LIFR: variants seen among roughly 807,000 people sequenced by gnomAD.
LIFR encodes leukemia inhibitory factor receptor.
In LIFR, 84 loss-of-function variants were observed where a neutral mutation model predicts 122.2. That is an observed-to-expected ratio of 0.69 (90% CI 0.58 to 0.82). The LOEUF is 0.82. LIFR is among the 40% of genes least tolerant of loss of function. The pLI is 0.00. For missense variants in LIFR, 1,294 were observed against 1,311.6 expected (o/e 0.99, Z 0.21); for synonymous variants, 422 against 434.7 (o/e 0.97, Z 0.36).
Position 38,522,126 on chromosome 5 carries a change from T to C in LIFR, c.561+1293A>G, listed in dbSNP as rs181845876. On this transcript the variant is annotated intron_variant, in intron 5 of 19. Transcript: ENST00000453190. ...TTGCTTTCAATGGTAGCCATAGGCA[T>C]GCAAGTGGGGAACGCACAATTTGCA... is the stretch of plus-strand genomic sequence containing the variant. 4.9e-3 allele frequency among the ~76,000 whole-genome samples: 751 copies of C among 152,358 alleles called. 15 individuals carry two copies. Among genetic ancestry groups the C allele is most frequent in the Admixed American group, 0.042 (648 of 15,306 alleles).
chr5:38,598,334 C>G (rs933374100), upstream of LIFR, among the ~76,000 whole-genome samples: 1 of 146,720 alleles, frequency 6.8e-6, no homozygotes, highest in Admixed American at 6.9e-5. Context: ...GCAACCTCCC[C>G]CTCCCGAGTT....
upstream of LIFR, among the ~76,000 whole-genome samples, chr5:38,595,891 G>A (rs979683290): frequency 1.3e-5 from 2 of 151,482 alleles, no homozygotes; most frequent in African/African-American, 4.9e-5. Context: ...CCGCCACCGC[G>A]CCCGGCTAAT....
chr5:38,485,454 T>C (rs923513737), intron 17 of LIFR: 1 of 311,492 alleles, frequency 3.2e-6, no homozygotes, highest in Non-Finnish European at 6.1e-6. Flanking sequence ...TACAAAAAAT[T>C]TTTTTAAGAA....
intron 16 of LIFR, among the ~76,000 whole-genome samples, chr5:38,486,362 T>C (rs1744285620): frequency 6.6e-6 from 1 of 152,116 alleles, no homozygotes; most frequent in African/African-American, 2.4e-5. Context: ...GGCTGAGCCT[T>C]CCCATGAGTG....
At chr5:38,581,915 C>A (rs1236926165) in intron 1 of LIFR, among the ~76,000 whole-genome samples, 1 of 152,174 alleles carries the variant, frequency 6.6e-6, no homozygotes, top group Non-Finnish European at 1.5e-5. Context: ...ATTCTTCAAA[C>A]CTTCAAAGCT....
At chr5:38,522,001 G>A (rs2112539491) in intron 5 of LIFR, among the ~76,000 whole-genome samples, 1 of 152,324 alleles carries the variant, frequency 6.6e-6, no homozygotes, top group South Asian at 2.1e-4. Context: ...GACACTAGCT[G>A]TGGTAGGCAG....
intron 14 of LIFR, among the ~76,000 whole-genome samples, chr5:38,492,369 C>G (rs1198715296): frequency 6.6e-6 from 1 of 152,168 alleles, no homozygotes; most frequent in Non-Finnish European, 1.5e-5. Flanking sequence ...ATATCCACTC[C>G]AGCCTATCCC....
chr5:38,534,747 TGC>T (rs1482757476), intron 1 of LIFR, among the ~76,000 whole-genome samples: 2 of 152,094 alleles, frequency 1.3e-5, no homozygotes, highest in Non-Finnish European at 2.9e-5. Context: ...CTCTGTGACT[TGC>T]GGTGTGAGTG....
chr5:38,568,491 A>C lies in LIFR; in HGVS notation c.-20+26770T>G, dbSNP rs563863642. Among the ~76,000 whole-genome samples the C allele has an allele frequency of 9.2e-5, 14 of 152,268 alleles. 1 individual carries two copies. The South Asian group carries it at 2.9e-3, about 32-fold the overall frequency. ...GCCAATTAGGTGGGATGTTGTAGGC[A>C]GGATAAAGGACTCTTGAATTTCTTC... On this transcript the variant is annotated intron_variant, in intron 1 of 19. Coordinates refer to the LIFR transcript ENST00000263409.
chr5:38,481,753 T>C lies in LIFR; in HGVS notation c.3136A>G (p.Arg1046Gly). The C allele has an allele frequency of 6.2e-7, 1 of 1,614,154 alleles. No homozygotes were observed. The highest frequency in any genetic ancestry group is 8.5e-7 in the Non-Finnish European group (1 of 1,180,032). Residue 1046 changes from arginine (R) to glycine (G), a missense_variant, in exon 20 of 20, where the codon AGA becomes GGA. Coordinates refer to ENST00000453190, the MANE Select transcript of LIFR (RefSeq NM_001127671.2). ...ATCTCACTGTTGCTGTCTATGGATC[T>C]AGGAGAGTCTGGAGACACTAAATTC... ...TWNLVSPDSPRSIDSNSEIVS... is the reference protein window; with the variant it reads ...TWNLVSPDSPGSIDSNSEIVS...
intron 7 of LIFR, among the ~76,000 whole-genome samples, chr5:38,507,543 G>A (rs1170228013): frequency 1.7e-5 from 2 of 121,162 alleles, no homozygotes. Flanking sequence ...TGGTCTGGGC[G>A]ACAGAGCGAT....
intron 1 of LIFR, among the ~76,000 whole-genome samples, chr5:38,576,691 C>G (rs943828529): frequency 6.6e-6 from 1 of 152,168 alleles, no homozygotes; most frequent in Non-Finnish European, 1.5e-5. Context: ...TAGACAGTTT[C>G]TTTGGCAGGT....
chr5:38,558,116 G>A (rs1304125660), upstream of LIFR: 3 of 151,876 alleles, frequency 2.0e-5, no homozygotes, highest in East Asian at 5.8e-4. Flanking sequence ...AAAAAATTTA[G>A]GTTTAAGAAA....
intron 1 of LIFR, among the ~76,000 whole-genome samples, chr5:38,588,650 T>C (rs1580236596): frequency 6.6e-6 from 1 of 152,302 alleles, no homozygotes; most frequent in East Asian, 1.9e-4. Flanking sequence ...GAAGGTATAT[T>C]TGCTTAGGTC....
chr5:38,598,240 TATTTA>T (rs1561235513), upstream of LIFR, among the ~76,000 whole-genome samples: 58 of 32,848 alleles, frequency 1.8e-3, 3 homozygotes, highest in African/African-American at 2.8e-3. Flanking sequence ...TTTATTTATT[TATTTA>T]TTTTTTTTTT....
chr5:38,491,292 AG>A (rs1472960781), intron 14 of LIFR, among the ~76,000 whole-genome samples: 4 of 152,248 alleles, frequency 2.6e-5, no homozygotes, highest in African/African-American at 9.6e-5. Flanking sequence ...TGAGCAACAC[AG>A]ACATGCACAA....
Position 38,591,655 on chromosome 5 carries a change from C to T in LIFR, c.-20+3606G>A, listed in dbSNP as rs534671080. Reference sequence around the variant, plus strand: ...TTGTGGTCAGTTTAGCCACCATGGTCAGGCCCAGTGACTCACTCTAAACTG... The same window carrying T: ...TTGTGGTCAGTTTAGCCACCATGGTTAGGCCCAGTGACTCACTCTAAACTG... On this transcript the variant is annotated intron_variant, in intron 1 of 19. Coordinates refer to the LIFR transcript ENST00000263409. Among the ~76,000 whole-genome samples the T allele has an allele frequency of 1.2e-4, 19 of 152,324 alleles. 1 individual carries two copies. The South Asian group carries it at 2.3e-3, about 18-fold the overall frequency.
At chr5:38,587,679 A>G (rs938945326) in intron 1 of LIFR, among the ~76,000 whole-genome samples, 3 of 152,158 alleles carry the variant, frequency 2.0e-5, no homozygotes, top group South Asian at 2.1e-4. Flanking sequence ...AGGGAGAAGA[A>G]TGATCAGATT....
rs1287174455 is a variant in LIFR at position 38,478,886 on chromosome 5, G to A, written c.*2709C>T. The A allele has an allele frequency of 4.4e-6, 1 of 227,918 alleles. No homozygotes were observed. Among genetic ancestry groups the A allele is most frequent in the Non-Finnish European group, 8.7e-6 (1 of 114,684 alleles). The allele number at this position is 227,918 out of a possible 1,614,324, so 14.1% of individuals were successfully genotyped here. On this transcript the variant is annotated 3_prime_UTR_variant, in exon 20 of 20. Coordinates refer to ENST00000453190, the MANE Select transcript of LIFR (RefSeq NM_001127671.2). Reference sequence around the variant, plus strand: ...ATTATTTTCCCAGTTAGTAAGGGCTGGAGAGAACACATCTAGCCTCTGCTT... The same window carrying A: ...ATTATTTTCCCAGTTAGTAAGGGCTAGAGAGAACACATCTAGCCTCTGCTT...
Sources: gnomAD v4.1 joint callset for allele counts (sites outside exome capture counted in the v4.1 genomes callset) on GRCh38, gnomAD v4.1.1 for gene constraint, MANE v1.5 for transcripts, NCBI Gene and HGNC (gene_info 2026-07-23, HGNC 2026-07-21) for gene names.